Variants in CHST9 observed in about 807,000 individuals in gnomAD.
The protein encoded by CHST9 is GalNAc-4-sulfotransferase 2.
Under a neutral mutation model 44.4 loss-of-function variants are expected in CHST9, and 41 were observed. The observed-to-expected ratio is 0.92, with a 90% confidence interval of 0.72 to 1.20. CHST9 has a LOEUF of 1.20. CHST9 is among the 50% of genes most tolerant of loss of function. The pLI is 0.00. For missense variants in CHST9, 504 were observed against 516.5 expected (o/e 0.98, Z 0.23); for synonymous variants, 171 against 178.4 (o/e 0.96, Z 0.33).
intron 2 of CHST9, among the ~76,000 whole-genome samples, chr18:27,073,684 T>C (rs1292520701): frequency 6.6e-6 from 1 of 151,778 alleles, no homozygotes; most frequent in African/African-American, 2.4e-5. Flanking sequence ...GAGATTGACG[T>C]ATTCAGTAGC....
chr18:27,087,506 G>A (rs1444701390), intron 2 of CHST9, among the ~76,000 whole-genome samples: 1 of 152,040 alleles, frequency 6.6e-6, no homozygotes, highest in East Asian at 1.9e-4. Flanking sequence ...TATGTACTGA[G>A]TACCTCCTTT....
intron 4 of CHST9, among the ~76,000 whole-genome samples, chr18:26,962,052 T>C (rs925122896): frequency 1.3e-5 from 2 of 152,132 alleles, no homozygotes; most frequent in Non-Finnish European, 2.9e-5. Flanking sequence ...AAGTCCAGTC[T>C]CCATTCAGAT....
At chr18:26,955,817 G>C (rs1360551253) in intron 4 of CHST9, among the ~76,000 whole-genome samples, 5 of 152,154 alleles carry the variant, frequency 3.3e-5, no homozygotes, top group Admixed American at 1.3e-4. Flanking sequence ...CTGGGGGCCT[G>C]AAGGGTAAAG....
At position 26,992,091 on chromosome 18, in the gene CHST9, C is replaced by G; in HGVS notation, c.202+32025G>C. Among the ~76,000 whole-genome samples the G allele has an allele frequency of 1.6e-5, 2 of 126,956 alleles. 1 individual carries two copies. The highest frequency in any genetic ancestry group is 3.6e-5 in the Non-Finnish European group (2 of 55,566). The allele number at this position is 126,956 out of a possible 152,430, so 83.3% of individuals were successfully genotyped here. A position where few individuals can be genotyped will look rare whatever the true frequency, so the allele number is the denominator to read the frequency against. ...ACTTATGTTCTTGTTCATATCCCAC[C>G]CTGTTCCTATGTTTGGGGATCCCAA... On this transcript the variant is annotated intron_variant, in intron 4 of 5. Coordinates refer to ENST00000618847, the MANE Select transcript of CHST9 (RefSeq NM_031422.6).
chr18:27,057,457 T>C (rs2057669981), intron 2 of CHST9, among the ~76,000 whole-genome samples: 1 of 152,202 alleles, frequency 6.6e-6, no homozygotes, highest in Non-Finnish European at 1.5e-5. Context: ...AACACCAGCC[T>C]CCGCAGACAT....
At chr18:27,050,886 C>T (rs896759098) in intron 2 of CHST9, among the ~76,000 whole-genome samples, 1 of 152,102 alleles carries the variant, frequency 6.6e-6, no homozygotes, top group African/African-American at 2.4e-5. Context: ...ACAAAAACAA[C>T]TTTTTGGAGT....
At chr18:27,175,912 C>G (rs2058864756) in intron 1 of CHST9, among the ~76,000 whole-genome samples, 1 of 151,972 alleles carries the variant, frequency 6.6e-6, no homozygotes, top group South Asian at 2.1e-4. Context: ...TGTGTATATA[C>G]TTATATGTAT....
chr18:26,983,399 T>C (rs1461079001), intron 4 of CHST9, among the ~76,000 whole-genome samples: 1 of 152,104 alleles, frequency 6.6e-6, no homozygotes, highest in African/African-American at 2.4e-5. Flanking sequence ...CACAGTGAGT[T>C]CTCATGAGAT....
intron 5 of CHST9, chr18:26,924,731 C>G (rs981399326): frequency 6.2e-6 from 1 of 160,880 alleles, no homozygotes; most frequent in Non-Finnish European, 1.3e-5. Context: ...CTCTGTGCCA[C>G]AGCTACTCCT....
chr18:27,096,556 G>C (rs2058118834), intron 2 of CHST9, among the ~76,000 whole-genome samples: 1 of 151,950 alleles, frequency 6.6e-6, no homozygotes, highest in Admixed American at 6.6e-5. Flanking sequence ...AAGAAAAACA[G>C]AGAGAAGGTC....
At chr18:27,021,873 C>T (rs986407100) in intron 4 of CHST9, among the ~76,000 whole-genome samples, 4 of 152,188 alleles carry the variant, frequency 2.6e-5, no homozygotes, top group South Asian at 4.1e-4. Context: ...TGGCTGCTTA[C>T]AGGTACAATA....
intron 2 of CHST9, among the ~76,000 whole-genome samples, chr18:27,053,304 G>A (rs1199032602): frequency 7.7e-6 from 1 of 130,686 alleles, no homozygotes; most frequent in Non-Finnish European, 1.6e-5. Context: ...GAAGGAGAAG[G>A]AGAAGGAGAA....
rs182413881 is a variant in CHST9 at position 27,095,962 on chromosome 18, C to T, written c.121+46727G>A. 2.0e-5 allele frequency among the ~76,000 whole-genome samples: 3 copies of T among 152,080 alleles called. 1 individual carries two copies. The highest frequency in any genetic ancestry group is 2.0e-4 in the Admixed American group (3 of 15,282). On this transcript the variant is annotated intron_variant, in intron 2 of 5. Transcript: ENST00000618847. Reference sequence around the variant, plus strand: ...TAATAGACATATACAGAATATTGCCCCCAACAACCACAAAATGGACATTTT... The same window carrying T: ...TAATAGACATATACAGAATATTGCCTCCAACAACCACAAAATGGACATTTT...
At chr18:26,979,794 A>G (rs1345553254) in intron 4 of CHST9, among the ~76,000 whole-genome samples, 1 of 152,180 alleles carries the variant, frequency 6.6e-6, no homozygotes, top group East Asian at 1.9e-4. Flanking sequence ...CTTAGCAAAA[A>G]TCATGTGTGT....
intron 2 of CHST9, among the ~76,000 whole-genome samples, chr18:27,059,692 T>C (rs1220594118): frequency 1.3e-5 from 2 of 152,192 alleles, no homozygotes; most frequent in African/African-American, 4.8e-5. Flanking sequence ...CATCATCTCA[T>C]TAGCTTGTGG....
At chr18:27,086,630 T>C (rs1296433163) in intron 2 of CHST9, among the ~76,000 whole-genome samples, 1 of 152,198 alleles carries the variant, frequency 6.6e-6, no homozygotes, top group African/African-American at 2.4e-5. Flanking sequence ...TCTAGCTTAT[T>C]TGATTCTACA....
intron 4 of CHST9, among the ~76,000 whole-genome samples, chr18:27,013,015 C>T (rs2145249545): frequency 6.6e-6 from 1 of 152,258 alleles, no homozygotes; most frequent in Non-Finnish European, 1.5e-5. Flanking sequence ...TGTCATATAC[C>T]TCTGTCAAAC....
At position 26,909,261 on chromosome 18, in the gene CHST9, A is replaced by G. The variant is rs2055408492; in HGVS notation, c.*6998T>C. 6.6e-6 allele frequency: 1 copy of G among 152,238 alleles called. No homozygotes were observed. Among genetic ancestry groups the G allele is most frequent in the Non-Finnish European group, 1.5e-5 (1 of 68,034 alleles). 9.4% of individuals were successfully genotyped at this position (152,238 alleles called of 1,614,324 possible). A position where few individuals can be genotyped will look rare whatever the true frequency, so the allele number is the denominator to read the frequency against. The stretch of plus-strand genomic sequence containing the variant: ...GTTAACTTTTCAACACAGTGACAGA[A>G]TGAAAAGAGCAGGTTGTATTATCAT... On this transcript the variant is annotated 3_prime_UTR_variant, in exon 6 of 6. Coordinates refer to ENST00000618847, the MANE Select transcript of CHST9 (RefSeq NM_031422.6).
Position 27,024,225 on chromosome 18 carries a change from C to A in CHST9, c.161-68G>T, listed in dbSNP as rs1261340839. ...CCAAAGACATTTATAAAACTTTCTA[C>A]ACAAAGATGCCTCAAAGCCTCTCAT... On this transcript the variant is annotated intron_variant, in intron 3 of 5. Coordinates refer to ENST00000618847, the MANE Select transcript of CHST9 (RefSeq NM_031422.6). The A allele has an allele frequency of 2.3e-6, 3 of 1,285,730 alleles. No individual in the cohort carries two copies. In the African/African-American group the frequency reaches 4.5e-5, roughly 19 times the overall value. 79.6% of individuals were successfully genotyped at this position (1,285,730 alleles called of 1,614,324 possible).
Sources: allele counts gnomAD v4.1 joint callset (sites outside exome capture counted in the v4.1 genomes callset), GRCh38; gene constraint gnomAD v4.1.1; transcripts MANE v1.5; gene names NCBI Gene and HGNC (gene_info 2026-07-23, HGNC 2026-07-21).